MYO5B: variants seen among roughly 807,000 people sequenced by gnomAD.
The protein encoded by MYO5B is unconventional myosin-Vb.
In MYO5B, 143 loss-of-function variants were observed where a neutral mutation model predicts 229.3. The ratio of observed to expected loss-of-function variants is 0.62; its 90% CI spans 0.54 to 0.72. MYO5B has a LOEUF of 0.72. Among genes scored for constraint, MYO5B ranks in the 30% least tolerant of loss-of-function variants. MYO5B has a pLI of 0.00. For synonymous variants in MYO5B, 918 were observed against 885.2 expected (o/e 1.04, Z -0.66); for missense variants, 2,321 against 2,331.0 (o/e 1.00, Z 0.09).
chr18:49,892,492 C>T (rs1185906114), intron 22 of MYO5B, among the ~76,000 whole-genome samples: 1 of 152,324 alleles, frequency 6.6e-6, no homozygotes, highest in East Asian at 1.9e-4. Flanking sequence ...ATGGAAATAT[C>T]AAACTCATTA....
At chr18:50,004,884 G>C (rs965075592) in intron 4 of MYO5B, among the ~76,000 whole-genome samples, 1 of 152,178 alleles carries the variant, frequency 6.6e-6, no homozygotes, top group African/African-American at 2.4e-5. Flanking sequence ...TCCTGGAGCT[G>C]GAATCCCAGA....
intron 2 of MYO5B, among the ~76,000 whole-genome samples, chr18:50,042,761 G>A (rs2030058922): frequency 6.6e-6 from 1 of 152,160 alleles, no homozygotes; most frequent in African/African-American, 2.4e-5. Context: ...AGAGAGCACA[G>A]CTGCCCTCCT....
intron 1 of MYO5B, among the ~76,000 whole-genome samples, chr18:50,077,376 A>G (rs1387245385): frequency 6.6e-6 from 1 of 152,012 alleles, no homozygotes; most frequent in Non-Finnish European, 1.5e-5. Context: ...TACAACTCGG[A>G]AGTCCCTTTC....
rs1053847705 is a variant in MYO5B, at chr18:50,143,440, C to T, written c.27+51327G>A. Reference sequence around the variant, plus strand: ...CACCTTCTAACAATGTGAGATCCCACAGGCTCAGCAACCGCAGCATTCTGT... The same window carrying T: ...CACCTTCTAACAATGTGAGATCCCATAGGCTCAGCAACCGCAGCATTCTGT... On this transcript the variant is annotated intron_variant, in intron 1 of 39. Coordinates refer to ENST00000285039, the MANE Select transcript of MYO5B (RefSeq NM_001080467.3). 5.3e-5 allele frequency among the ~76,000 whole-genome samples: 8 copies of T among 152,310 alleles called. No individual in the cohort carries two copies. The South Asian group carries it at 1.5e-3, about 28-fold the overall frequency.
rs758646630 is a variant in MYO5B, at chr18:49,836,825, T to G, written c.5199A>C (p.Ala1733=). ...LRGRNLHQSG[A]VQTMEPLIQA... is the part of the protein sequence containing the mutation. Reference sequence around the variant, plus strand: ...GGATCAGAGGTTCCATGGTCTGAACTGCTCCACTCTGGTGAAGGTTTCTTC... The same window carrying G: ...GGATCAGAGGTTCCATGGTCTGAACGGCTCCACTCTGGTGAAGGTTTCTTC... Residue 1733 remains alanine (A), a synonymous_variant, in exon 38 of 40, where the codon GCA becomes GCC. Transcript: ENST00000285039. The G allele has an allele frequency of 1.2e-6, 2 of 1,614,216 alleles. No homozygotes were observed. Among genetic ancestry groups the G allele is most frequent in the Non-Finnish European group, 1.7e-6 (2 of 1,180,032 alleles).
At chr18:50,044,411 A>G (rs872204) in intron 2 of MYO5B, among the ~76,000 whole-genome samples, 2 of 152,168 alleles carry the variant, frequency 1.3e-5, no homozygotes, top group South Asian at 4.2e-4. Context: ...CATCCACTCC[A>G]TAATAACTGG....
At chr18:49,967,204 C>T (rs771320464) in intron 10 of MYO5B, among the ~76,000 whole-genome samples, 2 of 152,042 alleles carry the variant, frequency 1.3e-5, no homozygotes, top group Non-Finnish European at 2.9e-5. Flanking sequence ...TTTTCATAGT[C>T]GAAAAGTATA....
At chr18:50,188,583 T>C (rs1238140083) in intron 1 of MYO5B, among the ~76,000 whole-genome samples, 2 of 151,924 alleles carry the variant, frequency 1.3e-5, no homozygotes, top group Non-Finnish European at 2.9e-5. Flanking sequence ...GGTCAAGAGA[T>C]TGAGACCATC....
At chr18:49,855,140 T>C (rs1007400847) in intron 30 of MYO5B, among the ~76,000 whole-genome samples, 2 of 152,218 alleles carry the variant, frequency 1.3e-5, no homozygotes, top group African/African-American at 4.8e-5. Flanking sequence ...CAATAAGTTA[T>C]ACATTTAATG....
At chr18:50,018,102 C>T (rs970355421) in intron 4 of MYO5B, among the ~76,000 whole-genome samples, 12 of 152,088 alleles carry the variant, frequency 7.9e-5, no homozygotes, top group Admixed American at 7.9e-4. Flanking sequence ...TTTTAAGAGA[C>T]AGGGTCTGGC....
intron 1 of MYO5B, among the ~76,000 whole-genome samples, chr18:50,091,482 T>C (rs1454180656): frequency 1.3e-5 from 2 of 152,236 alleles, no homozygotes; most frequent in South Asian, 2.1e-4. Flanking sequence ...GTAATTAACA[T>C]ACACAATCTC....
At chr18:49,944,580 GGCCCATGGCAA>G (rs1437362212) in intron 14 of MYO5B, among the ~76,000 whole-genome samples, 6 of 152,004 alleles carry the variant, frequency 3.9e-5, no homozygotes, top group African/African-American at 1.5e-4. Context: ...ATAGCCGTGT[GGCCCATGGCAA>G]ACCTCTCAGG....
intron 1 of MYO5B, among the ~76,000 whole-genome samples, chr18:50,172,772 C>A (rs2032937598): frequency 6.6e-6 from 1 of 152,152 alleles, no homozygotes; most frequent in Non-Finnish European, 1.5e-5. Flanking sequence ...ACAAGAGAGC[C>A]AGCTATGAGA....
chr18:50,158,498 G>A (rs1234852799), intron 1 of MYO5B, among the ~76,000 whole-genome samples: 3 of 152,098 alleles, frequency 2.0e-5, no homozygotes, highest in South Asian at 2.1e-4. Flanking sequence ...CTTTCCTTGC[G>A]TGGATTCCTA....
chr18:49,913,852 G>T (rs1292541832), intron 17 of MYO5B, among the ~76,000 whole-genome samples: 1 of 152,086 alleles, frequency 6.6e-6, no homozygotes, highest in Non-Finnish European at 1.5e-5. Context: ...CAGCACGACA[G>T]AAAGAGAGAA....
At chr18:50,118,038 C>G (rs932962805) in intron 1 of MYO5B, among the ~76,000 whole-genome samples, 4 of 152,162 alleles carry the variant, frequency 2.6e-5, no homozygotes, top group African/African-American at 9.7e-5. Context: ...ACATTACCAC[C>G]GGCCTGATGA....
At chr18:50,141,633 C>A (rs543760958) in intron 1 of MYO5B, among the ~76,000 whole-genome samples, 2 of 152,314 alleles carry the variant, frequency 1.3e-5, no homozygotes, top group South Asian at 4.1e-4. Context: ...CAGCTCCTGA[C>A]CCAAAATCAC....
intron 10 of MYO5B, among the ~76,000 whole-genome samples, chr18:49,965,264 C>A (rs2025609707): frequency 6.6e-6 from 1 of 152,148 alleles, no homozygotes; most frequent in Admixed American, 6.6e-5. Flanking sequence ...TGGATGTGGT[C>A]ACACTCACCA....
intron 4 of MYO5B, among the ~76,000 whole-genome samples, chr18:50,002,932 C>T (rs915516912): frequency 6.6e-6 from 1 of 152,098 alleles, no homozygotes; most frequent in Non-Finnish European, 1.5e-5. Context: ...TTTGCCCTGC[C>T]TTGCTAACTG....
Sources: gnomAD v4.1 joint callset for allele counts (sites outside exome capture counted in the v4.1 genomes callset) on GRCh38, gnomAD v4.1.1 for gene constraint, MANE v1.5 for transcripts, NCBI Gene and HGNC (gene_info 2026-07-23, HGNC 2026-07-21) for gene names.